Variants in TRUB1 observed in about 807,000 individuals in gnomAD.
TRUB1 encodes pseudouridylate synthase TRUB1.
In TRUB1, 23 loss-of-function variants were observed where a neutral mutation model predicts 33.9. That is an observed-to-expected ratio of 0.68 (90% confidence interval 0.49 to 0.96). The LOEUF (loss-of-function observed/expected upper bound fraction) is 0.96. Ranked by LOEUF, TRUB1 falls within the 40% of genes least tolerant of loss-of-function variation. The pLI is 0.00. For missense variants in TRUB1, 378 were observed against 422.2 expected (o/e 0.90, Z 0.92); for synonymous variants, 163 against 165.4 (o/e 0.99, Z 0.11).
At chr10:114,946,045 G>T (rs1380715630) in intron 2 of TRUB1, among the ~76,000 whole-genome samples, 1 of 152,188 alleles carries the variant, frequency 6.6e-6, no homozygotes, top group African/African-American at 2.4e-5. Flanking sequence ...GATGTTTGTT[G>T]TCCAAGTTAG....
rs78889955 is a variant in TRUB1 at position 114,977,141 on chromosome 10, T to A, written c.*1762T>A. 6.6e-6 allele frequency: 1 copy of A among 152,164 alleles called. No homozygotes were observed. Among genetic ancestry groups the A allele is most frequent in the Non-Finnish European group, 1.5e-5 (1 of 68,010 alleles). 9.4% of individuals were successfully genotyped at this position (152,164 alleles called of 1,614,324 possible). On this transcript the variant is annotated 3_prime_UTR_variant, in exon 8 of 8. Transcript: ENST00000298746. ...ACCATTTTTAAAAAACGATAGCCAC[T>A]CTTTTTCTTTTATGTTTAAAACTGA... is the stretch of plus-strand genomic sequence containing the variant.
In TRUB1 at chr10:114,959,593, G is replaced by A. The variant is rs112698525; in HGVS notation, c.442-133G>A. The stretch of plus-strand genomic sequence containing the variant: ...TCCACATATTAAAAACAAAACAATT[G>A]CAGTCTGTTGTTTTAGCCTGTATTT... On this transcript the variant is annotated intron_variant, in intron 3 of 7. Transcript: ENST00000298746. 1.6e-3 allele frequency: 1,073 copies of A among 664,258 alleles called. 9 individuals carry two copies. In the African/African-American group the frequency reaches 0.017, roughly 11 times the overall value. The allele number at this position is 664,258 out of a possible 1,614,324, so 41.1% of individuals were successfully genotyped here. A position where few individuals can be genotyped will look rare whatever the true frequency, so the allele number is the denominator to read the frequency against.
intron 1 of TRUB1, among the ~76,000 whole-genome samples, chr10:114,939,288 G>A (rs752596910): frequency 2.4e-4 from 36 of 152,268 alleles, no homozygotes; most frequent in Non-Finnish European, 4.4e-4. Flanking sequence ...AAGCATCCAG[G>A]ATCCTTAAGT....
intron 3 of TRUB1, among the ~76,000 whole-genome samples, chr10:114,953,108 T>C (rs1274991766): frequency 2.0e-5 from 3 of 152,218 alleles, no homozygotes; most frequent in African/African-American, 7.2e-5. Flanking sequence ...TATATATTAC[T>C]GAAAGATTTT....
Position 114,960,010 on chromosome 10 carries a change from C to T in TRUB1, c.523+203C>T, listed in dbSNP as rs189263951. 22 of 518,158 alleles carry T rather than the reference C, an allele frequency of 4.2e-5. 1 individual carries two copies. In the East Asian group the frequency reaches 6.2e-4, roughly 14 times the overall value. 32.1% of individuals were successfully genotyped at this position (518,158 alleles called of 1,614,324 possible). On this transcript the variant is annotated intron_variant, in intron 4 of 7. Coordinates refer to ENST00000298746, the MANE Select transcript of TRUB1 (RefSeq NM_139169.5). ...GAATAAAGATTTATTGTGATTGCCT[C>T]TTTTTCTATAGTGATGTTTTAAGTG...
At chr10:114,962,641 G>A (rs2084289122) in intron 4 of TRUB1, among the ~76,000 whole-genome samples, 1 of 152,192 alleles carries the variant, frequency 6.6e-6, no homozygotes, top group Admixed American at 6.5e-5. Context: ...TCAGTGGGTG[G>A]AGACCAGGGA....
At chr10:114,955,956 A>C (rs370211252) in intron 3 of TRUB1, among the ~76,000 whole-genome samples, 1 of 152,208 alleles carries the variant, frequency 6.6e-6, no homozygotes, top group African/African-American at 2.4e-5. Context: ...TCTCATCCTC[A>C]GTAATATCCC....
At chr10:114,951,170 C>A (rs748237630) in intron 3 of TRUB1, 21 bp downstream of exon 3, 6 of 1,597,486 alleles carry the variant, frequency 3.8e-6, no homozygotes, top group African/African-American at 1.3e-5. Flanking sequence ...TGAAATAGTT[C>A]TATTTTTCTT....
chr10:114,966,479 A>G lies in TRUB1; in HGVS notation c.524-3889A>G, dbSNP rs1025930290. Among the ~76,000 whole-genome samples the G allele has an allele frequency of 9.2e-5, 14 of 152,310 alleles. No homozygotes were observed. In the Middle Eastern group the frequency reaches 0.01, roughly 111 times the overall value. On this transcript the variant is annotated intron_variant, in intron 4 of 7. Coordinates refer to ENST00000298746, the MANE Select transcript of TRUB1 (RefSeq NM_139169.5). ...CATTCTTGGTCCTTTGCATTTCCATATGAATTTTTGAATCAGCTTGTCAAT... is the reference window on the plus strand; with the variant it reads ...CATTCTTGGTCCTTTGCATTTCCATGTGAATTTTTGAATCAGCTTGTCAAT...
intron 5 of TRUB1, 23 bp downstream of exon 5, chr10:114,970,463 GA>G: frequency 6.5e-7 from 1 of 1,537,640 alleles, no homozygotes; most frequent in Non-Finnish European, 9.0e-7. Flanking sequence ...AGTAAATTTG[GA>G]AAAATGTTTA....
At chr10:114,943,305 G>A (rs978525927) in intron 2 of TRUB1, among the ~76,000 whole-genome samples, 7 of 152,060 alleles carry the variant, frequency 4.6e-5, no homozygotes, top group African/African-American at 7.2e-5. Context: ...GCTGAGGCGC[G>A]TGGATCACAA....
intron 4 of TRUB1, among the ~76,000 whole-genome samples, chr10:114,968,611 G>A (rs1465984647): frequency 6.6e-6 from 1 of 152,232 alleles, no homozygotes; most frequent in African/African-American, 2.4e-5. Flanking sequence ...GAAACAGTAT[G>A]AACAGATCAG....
Position 114,938,271 on chromosome 10 carries a change from G to A in TRUB1, c.18G>A (p.Ala6=). 1 of 1,614,194 alleles carries A rather than the reference G, an allele frequency of 6.2e-7. No homozygotes were observed. Among genetic ancestry groups the A allele is most frequent in the Non-Finnish European group, 8.5e-7 (1 of 1,180,030 alleles). The change falls in exon 1 of 8, where the codon GCG becomes GCA. Residue 6 remains alanine (A), a synonymous_variant. Transcript: ENST00000298746. MAASE[A]AVVSSPSLKT... ...ACAAAAGTATGGCCGCTTCTGAGGC[G>A]GCGGTGGTGTCTTCGCCGTCTTTGA... is the stretch of plus-strand genomic sequence containing the variant.
At chr10:114,952,260 GA>G (rs112360095) in intron 3 of TRUB1, among the ~76,000 whole-genome samples, 15,193 of 152,182 alleles carry the variant, frequency 0.1, 1,509 homozygotes, top group African/African-American at 0.26. Flanking sequence ...CCAACATGGT[GA>G]AACCCATCTC....
intron 2 of TRUB1, among the ~76,000 whole-genome samples, chr10:114,947,493 A>G (rs553517249): frequency 8.5e-5 from 13 of 152,352 alleles, no homozygotes; most frequent in African/African-American, 3.1e-4. Context: ...AAATTTAGAA[A>G]ATACAAGAAA....
intron 3 of TRUB1, among the ~76,000 whole-genome samples, chr10:114,958,691 G>A (rs991154418): frequency 1.3e-5 from 2 of 152,178 alleles, no homozygotes; most frequent in African/African-American, 4.8e-5. Flanking sequence ...AGTGAAAAGA[G>A]TACGTACTAC....
chr10:114,953,373 T>C (rs544013642), intron 3 of TRUB1, among the ~76,000 whole-genome samples: 2 of 152,346 alleles, frequency 1.3e-5, no homozygotes, highest in South Asian at 4.1e-4. Flanking sequence ...ATATTTCTTA[T>C]CCTTTTAATT....
chr10:114,962,789 C>T (rs190940924), intron 4 of TRUB1, among the ~76,000 whole-genome samples: 10 of 152,174 alleles, frequency 6.6e-5, no homozygotes, highest in African/African-American at 2.2e-4. Context: ...CTCTTTTGGT[C>T]CTCAGTAGTG....
At chr10:114,961,616 T>C (rs2084285540) in intron 4 of TRUB1, among the ~76,000 whole-genome samples, 1 of 152,226 alleles carries the variant, frequency 6.6e-6, no homozygotes. Context: ...CAGTAAATCA[T>C]AGAGAAACTA....
Sources: allele counts gnomAD v4.1 joint callset (sites outside exome capture counted in the v4.1 genomes callset), GRCh38; gene constraint gnomAD v4.1.1; transcripts MANE v1.5; gene names NCBI Gene and HGNC (gene_info 2026-07-23, HGNC 2026-07-21).